The following DISP1 variants were observed in gnomAD, a reference collection of about 807,000 sequenced individuals.
The protein encoded by DISP1 is dispatched RND transporter family member 1.
DISP1 carries 30 observed loss-of-function variants against 37.3 expected under a neutral mutation model. That is an observed-to-expected ratio of 0.80 (90% CI 0.60 to 1.09). The LOEUF is 1.09. Among genes scored for constraint, DISP1 ranks in the 50% least tolerant of loss-of-function variants. The pLI, the probability that DISP1 is intolerant of heterozygous loss-of-function variation, is 0.00. For missense variants in DISP1, 1,598 were observed against 1,879.5 expected (o/e 0.85, Z 2.77); for synonymous variants, 634 against 690.2 (o/e 0.92, Z 1.28).
intron 1 of DISP1, among the ~76,000 whole-genome samples, chr1:222,915,896 T>A (rs1465249697): frequency 1.3e-5 from 2 of 152,242 alleles, no homozygotes; most frequent in African/African-American, 4.8e-5. Context: ...TTATTGTTGC[T>A]TTGTAACCAA....
intron 1 of DISP1, among the ~76,000 whole-genome samples, chr1:222,916,863 G>T (rs141554811): frequency 3.4e-4 from 51 of 152,196 alleles, no homozygotes; most frequent in African/African-American, 1.2e-3. Flanking sequence ...AAAGAGTGAG[G>T]GTTGTGATCA....
intron 1 of DISP1, among the ~76,000 whole-genome samples, chr1:222,838,600 T>C (rs543884650): frequency 1.3e-5 from 2 of 150,670 alleles, no homozygotes; most frequent in Admixed American, 6.6e-5. Flanking sequence ...TGAGACCCCA[T>C]CTACAAAGAA....
intron 2 of DISP1, among the ~76,000 whole-genome samples, chr1:222,931,050 AGCAGGGAGTGGG>A (rs1673358831): frequency 6.6e-6 from 1 of 152,052 alleles, no homozygotes; most frequent in Admixed American, 6.6e-5. Flanking sequence ...TTCACAAAAC[AGCAGGGAGTGGG>A]GCCTGGTATT....
chr1:222,935,977 C>A (rs2125467472), intron 2 of DISP1, among the ~76,000 whole-genome samples: 1 of 152,280 alleles, frequency 6.6e-6, no homozygotes, highest in Non-Finnish European at 1.5e-5. Flanking sequence ...CCATGTTGGT[C>A]CCATAAGATT....
At chr1:222,848,734 A>G (rs1668057031) in intron 1 of DISP1, among the ~76,000 whole-genome samples, 1 of 152,172 alleles carries the variant, frequency 6.6e-6, no homozygotes, top group South Asian at 2.1e-4. Context: ...AGTTGGGGAA[A>G]CAGACATATA....
chr1:222,839,212 G>A (rs1163628611), intron 1 of DISP1, among the ~76,000 whole-genome samples: 1 of 152,164 alleles, frequency 6.6e-6, no homozygotes, highest in Non-Finnish European at 1.5e-5. Context: ...TGTCAGATCA[G>A]CAGCAGCATT....
At chr1:222,991,724 CA>C in intron 6 of DISP1, 77 bp downstream of exon 6, 1 of 1,470,460 alleles carries the variant, frequency 6.8e-7, no homozygotes, top group Non-Finnish European at 9.3e-7. Flanking sequence ...ACTGCCTAAA[CA>C]AAAAATTTAA....
intron 1 of DISP1, among the ~76,000 whole-genome samples, chr1:222,840,058 A>T (rs1667495691): frequency 6.6e-6 from 1 of 152,220 alleles, no homozygotes; most frequent in Non-Finnish European, 1.5e-5. Flanking sequence ...GTTTTATAAT[A>T]AAGAGTTGAA....
intron 1 of DISP1, among the ~76,000 whole-genome samples, chr1:222,833,807 T>C (rs1327976430): frequency 6.6e-6 from 1 of 152,196 alleles, no homozygotes; most frequent in African/African-American, 2.4e-5. Flanking sequence ...ACCTTGGCTG[T>C]TTCTCTTATT....
intron 1 of DISP1, among the ~76,000 whole-genome samples, chr1:222,913,951 T>A (rs1572496597): frequency 6.8e-6 from 1 of 147,676 alleles, no homozygotes; most frequent in Non-Finnish European, 1.5e-5. Context: ...AAAAAAAAAA[T>A]GGGTAGGATC....
chr1:222,887,035 C>T (rs1670636155), intron 1 of DISP1, among the ~76,000 whole-genome samples: 1 of 152,138 alleles, frequency 6.6e-6, no homozygotes, highest in Non-Finnish European at 1.5e-5. Flanking sequence ...TTTACATAAA[C>T]ACAAAGTTTG....
At chr1:222,862,820 C>T (rs989990700) in intron 1 of DISP1, among the ~76,000 whole-genome samples, 6 of 152,108 alleles carry the variant, frequency 3.9e-5, no homozygotes, top group African/African-American at 9.7e-5. Context: ...TGTGAGCCAC[C>T]GTGCTCAGCG....
At chr1:222,885,969 C>T (rs1026555458) in intron 1 of DISP1, among the ~76,000 whole-genome samples, 4 of 151,814 alleles carry the variant, frequency 2.6e-5, no homozygotes, top group Non-Finnish European at 2.9e-5. Context: ...AAAAGCATCA[C>T]GATTTTCTGG....
intron 3 of DISP1, among the ~76,000 whole-genome samples, chr1:222,960,477 AGAGG>A (rs1264325007): frequency 3.3e-5 from 5 of 152,234 alleles, no homozygotes; most frequent in African/African-American, 1.2e-4. Context: ...AGCAGTGTTA[AGAGG>A]GACATTTATA....
intron 1 of DISP1, among the ~76,000 whole-genome samples, chr1:222,851,061 A>ATTT (rs971721526): frequency 1.2e-4 from 15 of 127,344 alleles, no homozygotes; most frequent in East Asian, 2.2e-4. Flanking sequence ...TGCATTTTTA[A>ATTT]TTTTTTTTTT....
At position 223,003,733 on chromosome 1, in the gene DISP1, A is replaced by G. The variant is rs1572749715; in HGVS notation, c.2336A>G (p.His779Arg). 1.2e-6 allele frequency: 2 copies of G among 1,614,180 alleles called. No individual in the cohort carries two copies. The highest frequency in any genetic ancestry group is 1.6e-4 in the Middle Eastern group (1 of 6,062). Residue 779 changes from histidine (H) to arginine (R), a missense_variant, in exon 9 of 9, where the codon CAT (histidine) becomes CGT (arginine). His to Arg is a conservative substitution (Grantham distance 29). Transcript: ENST00000675850. This position sits in a 1 kb window ranked among gnomAD's most constrained non-coding sequence, Gnocchi z 4.3. ...KKLFMFERVH[H>R]GEELHMPITV... ...CTTTTCATGTTTGAACGTGTTCACCATGGCGAGGAGCTCCACATGCCCATC... is the reference window on the plus strand; with the variant it reads ...CTTTTCATGTTTGAACGTGTTCACCGTGGCGAGGAGCTCCACATGCCCATC...
chr1:222,884,203 T>G (rs913163520), intron 1 of DISP1, among the ~76,000 whole-genome samples: 7 of 152,156 alleles, frequency 4.6e-5, no homozygotes, highest in Non-Finnish European at 1.0e-4. Flanking sequence ...TATTTTGAAA[T>G]AATTTTAAAC....
At chr1:222,895,990 C>T (rs1671231539) in intron 1 of DISP1, among the ~76,000 whole-genome samples, 1 of 152,220 alleles carries the variant, frequency 6.6e-6, no homozygotes, top group South Asian at 2.1e-4. Context: ...AATTTCTGCT[C>T]TTCAAAAGAT....
chr1:222,997,635 C>G (rs1679168209), intron 8 of DISP1, among the ~76,000 whole-genome samples: 2 of 152,132 alleles, frequency 1.3e-5, no homozygotes, highest in Non-Finnish European at 2.9e-5. Context: ...TTTAGATTAT[C>G]TAAAGGAATA....
Sources: allele counts gnomAD v4.1 joint callset (sites outside exome capture counted in the v4.1 genomes callset), GRCh38; gene constraint gnomAD v4.1.1; non-coding constraint Gnocchi (gnomAD v3.1); transcripts MANE v1.5; gene names NCBI Gene and HGNC (gene_info 2026-07-23, HGNC 2026-07-21).